The following NPAS3 variants were observed in gnomAD, a reference collection of about 807,000 sequenced individuals.
NPAS3 encodes the protein neuronal PAS domain-containing protein 3.
Under a neutral mutation model 73.1 loss-of-function variants are expected in NPAS3, and 14 were observed. The ratio of observed to expected loss-of-function variants is 0.19; its 90% CI spans 0.13 to 0.30. The LOEUF (loss-of-function observed/expected upper bound fraction) is 0.30, where lower values mean the gene tolerates loss of function less well. Ranked by LOEUF, NPAS3 falls within the 10% of genes least tolerant of loss-of-function variation. The probability of loss-of-function intolerance (pLI) is 1.00; values close to 1 mark genes in which losing one functional copy is unlikely to be tolerated. For synonymous variants in NPAS3, 620 were observed against 541.5 expected (o/e 1.14, Z -2.01); for missense variants, 1,096 against 1,250.0 (o/e 0.88, Z 1.86).
intron 4 of NPAS3, among the ~76,000 whole-genome samples, chr14:33,535,300 C>T (rs1340694495): frequency 6.6e-6 from 1 of 152,090 alleles, no homozygotes; most frequent in African/African-American, 2.4e-5. Context: ...TCTAAATAGG[C>T]GCAAAATGTA....
At chr14:33,164,953 T>G (rs1399458592) in intron 2 of NPAS3, among the ~76,000 whole-genome samples, 1 of 152,112 alleles carries the variant, frequency 6.6e-6, no homozygotes, top group East Asian at 1.9e-4. Flanking sequence ...TAATAGGACT[T>G]TTTGGTATAG....
At position 32,964,567 on chromosome 14, in the gene NPAS3, G is replaced by A. The variant is rs541568370; in HGVS notation, c.50+25201G>A. Among the ~76,000 whole-genome samples, 46 of 152,316 alleles carry A rather than the reference G, an allele frequency of 3.0e-4. 1 individual carries two copies. The South Asian group carries it at 9.5e-3, about 32-fold the overall frequency. ...TGAAGATGTTTAAAATTCTATATGA[G>A]TAGAAAAAATTCTGAAGATTTAATA... On this transcript the variant is annotated intron_variant, in intron 1 of 11. Coordinates refer to ENST00000356141, the Ensembl canonical transcript of NPAS3.
At chr14:33,675,337 G>A (rs768834092) in intron 5 of NPAS3, among the ~76,000 whole-genome samples, 15 of 152,262 alleles carry the variant, frequency 9.9e-5, no homozygotes, top group Middle Eastern at 3.4e-3. Flanking sequence ...TTCAGACGGC[G>A]CACAACTCAG....
chr14:33,025,069 T>C lies in NPAS3; in HGVS notation c.51-30836T>C, dbSNP rs189064960. Among the ~76,000 whole-genome samples, 7 of 152,352 alleles carry C rather than the reference T, an allele frequency of 4.6e-5. No individual in the cohort carries two copies. The East Asian group carries it at 5.8e-4, about 13-fold the overall frequency. Reference sequence around the variant, plus strand: ...TCCTCTAATAAAAGTAACGTATGTGTCTTCATAGATTTTAAAATAAGAAGT... The same window carrying C: ...TCCTCTAATAAAAGTAACGTATGTGCCTTCATAGATTTTAAAATAAGAAGT... On this transcript the variant is annotated intron_variant, in intron 1 of 11. Coordinates refer to ENST00000356141, the Ensembl canonical transcript of NPAS3.
At chr14:33,003,438 C>G (rs956548114) in intron 1 of NPAS3, among the ~76,000 whole-genome samples, 4 of 152,132 alleles carry the variant, frequency 2.6e-5, no homozygotes, top group Non-Finnish European at 5.9e-5. Context: ...TAAGAATTTT[C>G]TAGTCTGTGT....
intron 4 of NPAS3, among the ~76,000 whole-genome samples, chr14:33,370,111 C>G (rs575994523): frequency 6.6e-6 from 1 of 152,160 alleles, no homozygotes; most frequent in African/African-American, 2.4e-5. Context: ...CTTCATCCCC[C>G]ACAAGTTTCA....
chr14:33,285,609 T>A (rs2041843444), intron 3 of NPAS3, among the ~76,000 whole-genome samples: 1 of 152,148 alleles, frequency 6.6e-6, no homozygotes, highest in Non-Finnish European at 1.5e-5. Flanking sequence ...CTTACCACAA[T>A]AACAACACAA....
At chr14:33,248,827 A>G (rs1410476825) in intron 3 of NPAS3, among the ~76,000 whole-genome samples, 3 of 152,366 alleles carry the variant, frequency 2.0e-5, no homozygotes, top group East Asian at 1.9e-4. Context: ...GTCAGATTTC[A>G]ATAAAACAAT....
intron 3 of NPAS3, among the ~76,000 whole-genome samples, chr14:33,303,490 T>C (rs1359939975): frequency 6.6e-6 from 1 of 152,170 alleles, no homozygotes; most frequent in African/African-American, 2.4e-5. Flanking sequence ...AACATGAATA[T>C]ACAAGTTTAA....
At chr14:33,265,341 A>G (rs779118194) in intron 3 of NPAS3, among the ~76,000 whole-genome samples, 7 of 152,212 alleles carry the variant, frequency 4.6e-5, no homozygotes, top group Non-Finnish European at 7.3e-5. Flanking sequence ...TTTTCAGTTT[A>G]GTAATAGTAT....
intron 5 of NPAS3, among the ~76,000 whole-genome samples, chr14:33,583,056 A>T (rs893037401): frequency 6.9e-6 from 1 of 145,874 alleles, no homozygotes; most frequent in South Asian, 2.1e-4. Context: ...CACTACAGAA[A>T]GCCCTAGTCT....
chr14:33,355,078 C>T (rs2140363239), intron 3 of NPAS3, among the ~76,000 whole-genome samples: 1 of 152,282 alleles, frequency 6.6e-6, no homozygotes, highest in Middle Eastern at 3.4e-3. Flanking sequence ...CTGGGCCCAA[C>T]ATGTCTTCTT....
At chr14:33,452,923 T>A (rs1232812273) in intron 4 of NPAS3, among the ~76,000 whole-genome samples, 1 of 152,180 alleles carries the variant, frequency 6.6e-6, no homozygotes, top group East Asian at 1.9e-4. Flanking sequence ...TTCTTGTAAT[T>A]ATGCTTGGGT....
At chr14:33,629,636 A>C (rs1340768130) in intron 5 of NPAS3, among the ~76,000 whole-genome samples, 2 of 151,884 alleles carry the variant, frequency 1.3e-5, no homozygotes, top group Non-Finnish European at 2.9e-5. Context: ...CAGAGGAAAG[A>C]GTCTGAGAAA....
intron 3 of NPAS3, among the ~76,000 whole-genome samples, chr14:33,278,789 A>C (rs2041454919): frequency 6.6e-6 from 1 of 152,216 alleles, no homozygotes; most frequent in Non-Finnish European, 1.5e-5. Context: ...CAAATATATC[A>C]TACCACATTT....
chr14:33,138,991 C>T (rs371533687), intron 2 of NPAS3, among the ~76,000 whole-genome samples: 1 of 152,144 alleles, frequency 6.6e-6, no homozygotes, highest in East Asian at 1.9e-4. Context: ...GGAATATATT[C>T]AGTAAAGCTA....
intron 3 of NPAS3, among the ~76,000 whole-genome samples, chr14:33,249,886 C>T (rs577950377): frequency 3.3e-5 from 5 of 151,162 alleles, no homozygotes; most frequent in Admixed American, 6.6e-5. Flanking sequence ...TATTGTAACG[C>T]GTTTGGAAGC....
At chr14:33,784,721 T>TTTTTTTTATTTA (rs1555333478) in intron 9 of NPAS3, among the ~76,000 whole-genome samples, 15 of 104,084 alleles carry the variant, frequency 1.4e-4, no homozygotes, top group East Asian at 2.9e-4. Flanking sequence ...TTATTGTTAT[T>TTTTTTTTATTTA]TTTATTTATT....
At chr14:33,427,391 G>C (rs1594888485) in intron 4 of NPAS3, among the ~76,000 whole-genome samples, 1 of 151,852 alleles carries the variant, frequency 6.6e-6, no homozygotes, top group African/African-American at 2.4e-5. Context: ...TAGGCACACA[G>C]ATTTCCTGTT....
Sources: gnomAD v4.1 joint callset for allele counts (sites outside exome capture counted in the v4.1 genomes callset) on GRCh38, gnomAD v4.1.1 for gene constraint, MANE v1.5 for transcripts, NCBI Gene and HGNC (gene_info 2026-07-23, HGNC 2026-07-21) for gene names.